The following COL27A1 variants were observed in gnomAD, a reference collection of about 807,000 sequenced individuals.
COL27A1 encodes the protein collagen alpha-1(XXVII) chain.
A neutral mutation model predicts 251.3 loss-of-function variants in COL27A1; 106 were observed. The ratio of observed to expected loss-of-function variants is 0.42; its 90% CI spans 0.36 to 0.50. The LOEUF (loss-of-function observed/expected upper bound fraction) is 0.50. Among genes scored for constraint, COL27A1 ranks in the 20% least tolerant of loss-of-function variants. The pLI is 0.00. For synonymous variants in COL27A1, 1,000 were observed against 986.3 expected (o/e 1.01, Z -0.26); for missense variants, 2,325 against 2,522.8 (o/e 0.92, Z 1.68).
chr9:114,209,442 G>A (rs1001801800), intron 10 of COL27A1: 4 of 767,520 alleles, frequency 5.2e-6, no homozygotes, highest in South Asian at 1.4e-5. Context: ...CTTCCCTGGC[G>A]TGAGGGTATG....
chr9:114,175,775 C>G (rs535019090), intron 3 of COL27A1, among the ~76,000 whole-genome samples: 14 of 152,358 alleles, frequency 9.2e-5, no homozygotes, highest in African/African-American at 3.4e-4. Context: ...GAGCTGCACC[C>G]ACGGAGCCTG....
intron 17 of COL27A1, 129 bp downstream of exon 17, chr9:114,235,781 C>A (rs1832351774): frequency 1.4e-6 from 1 of 729,472 alleles, no homozygotes; most frequent in Admixed American, 1.9e-5. Context: ...TCGAAATAAT[C>A]CAGTCTTCTC....
chr9:114,224,609 T>C (rs1831339036), intron 14 of COL27A1, among the ~76,000 whole-genome samples: 1 of 151,660 alleles, frequency 6.6e-6, no homozygotes, highest in South Asian at 2.1e-4. Flanking sequence ...AAACACAGAT[T>C]GTGGGGTTTT....
chr9:114,263,552 C>T (rs1266675106), intron 28 of COL27A1, among the ~76,000 whole-genome samples: 1 of 152,148 alleles, frequency 6.6e-6, no homozygotes, highest in African/African-American at 2.4e-5. Context: ...ACACGTGGGG[C>T]AGTGGGTGGA....
chr9:114,287,900 G>A (rs1013179018), intron 41 of COL27A1, among the ~76,000 whole-genome samples: 2 of 152,140 alleles, frequency 1.3e-5, no homozygotes, highest in Admixed American at 6.5e-5. Flanking sequence ...GATAATAATC[G>A]CATCTGCTTC....
chr9:114,288,195 T>G (rs1827647617), intron 41 of COL27A1, among the ~76,000 whole-genome samples: 1 of 152,168 alleles, frequency 6.6e-6, no homozygotes, highest in Non-Finnish European at 1.5e-5. Flanking sequence ...TCCAGCTGTC[T>G]GAGCTCCCTG....
At position 114,168,648 on chromosome 9, in the gene COL27A1, C is replaced by T; in HGVS notation, c.1093C>T (p.Pro365Ser). The T allele has an allele frequency of 6.2e-7, 1 of 1,614,168 alleles. No individual in the cohort carries two copies. The highest frequency in any genetic ancestry group is 8.5e-7 in the Non-Finnish European group (1 of 1,180,022). Reference sequence around the variant, plus strand: ...ACAGAAGATCACAGCCACCAAAATCCCCAAAAGCCTCCCTACCAAGCCTTC... The same window carrying T: ...ACAGAAGATCACAGCCACCAAAATCTCCAAAAGCCTCCCTACCAAGCCTTC... Reference protein sequence around the residue: ...PSQKITATKIPKSLPTKPSAP... With the variant: ...PSQKITATKISKSLPTKPSAP... The change falls in exon 3 of 61, where the codon CCC (proline) becomes TCC (serine). Residue 365 changes from proline (P) to serine (S), a missense_variant. This residue lies in a region of COL27A1 where 1,183 missense variants were observed against 1,144.1 expected (regional missense o/e 1.03). Coordinates refer to ENST00000356083, the MANE Select transcript of COL27A1 (RefSeq NM_032888.4).
intron 12 of COL27A1, among the ~76,000 whole-genome samples, chr9:114,212,975 T>C (rs557788343): frequency 1.3e-5 from 2 of 152,244 alleles, no homozygotes; most frequent in East Asian, 1.9e-4. Context: ...GGGCCACCTT[T>C]GGGGGATTTG....
In COL27A1 at chr9:114,291,994, C is replaced by T. The variant is rs147805182; in HGVS notation, c.4477-109C>T. ...TTGTTGCCCCAGCATTCTGCAATCTCGGGTACCCTGTGGAATCACTGTTCT... is the reference window on the plus strand; with the variant it reads ...TTGTTGCCCCAGCATTCTGCAATCTTGGGTACCCTGTGGAATCACTGTTCT... On this transcript the variant is annotated intron_variant, in intron 48 of 60. Transcript: ENST00000356083. 2,803 of 971,576 alleles carry T rather than the reference C, an allele frequency of 2.9e-3. 9 individuals are homozygous for T. Among genetic ancestry groups the T allele is most frequent in the Middle Eastern group, 0.013 (63 of 4,832 alleles). 60.2% of individuals were successfully genotyped at this position (971,576 alleles called of 1,614,324 possible). A position where few individuals can be genotyped will look rare whatever the true frequency, so the allele number is the denominator to read the frequency against.
chr9:114,204,990 C>T (rs77564189), intron 7 of COL27A1, 112 bp from the exon 8 acceptor site: 29,904 of 944,824 alleles, frequency 0.032, 589 homozygotes, highest in Middle Eastern at 0.038. Context: ...CACTCCATCC[C>T]GGATGCAGTA....
At chr9:114,193,494 G>C (rs545415728) in intron 5 of COL27A1, among the ~76,000 whole-genome samples, 1 of 152,078 alleles carries the variant, frequency 6.6e-6, no homozygotes, top group Non-Finnish European at 1.5e-5. Context: ...CAGGAGCCAG[G>C]GCATCCTGGA....
chr9:114,262,244 CA>C (rs376020889), intron 28 of COL27A1, among the ~76,000 whole-genome samples: 2 of 152,304 alleles, frequency 1.3e-5, no homozygotes, highest in African/African-American at 4.8e-5. Context: ...CGTGGTGTGA[CA>C]GTGTCCACGT....
At chr9:114,241,653 C>CTTCA (rs1386999266) in intron 21 of COL27A1, among the ~76,000 whole-genome samples, 101 of 152,342 alleles carry the variant, frequency 6.6e-4, no homozygotes, top group African/African-American at 2.2e-3. Flanking sequence ...TTGTTCACAT[C>CTTCA]TTCATTCATT....
intron 25 of COL27A1, among the ~76,000 whole-genome samples, chr9:114,251,003 G>C (rs545705765): frequency 6.6e-6 from 1 of 152,340 alleles, no homozygotes; most frequent in Admixed American, 6.5e-5. Flanking sequence ...AAAGAGGAAA[G>C]ATGAGGTTGC....
rs185656867 is a variant in COL27A1 at position 114,275,664 on chromosome 9, G to A, written c.3613G>A (p.Asp1205Asn). Residue 1205 changes from aspartate (D) to asparagine (N), a missense_variant, in exon 37 of 61, where the codon GAC becomes AAC. Transcript: ENST00000356083. ...GPMGPDGLKG[D>N]RGDPGPDGEH... is the part of the protein sequence containing the mutation. Reference sequence around the variant, plus strand: ...CTCTTCATGCCCTGCCACCCAGGGGGACAGGGGAGACCCAGGGCCTGATGG... The same window carrying A: ...CTCTTCATGCCCTGCCACCCAGGGGAACAGGGGAGACCCAGGGCCTGATGG... The A allele has an allele frequency of 8.4e-6, 13 of 1,547,796 alleles. No homozygotes were observed. Among genetic ancestry groups the A allele is most frequent in the African/African-American group, 1.4e-5 (1 of 72,990 alleles).
chr9:114,198,548 A>G (rs1376567845), intron 7 of COL27A1, among the ~76,000 whole-genome samples: 1 of 152,164 alleles, frequency 6.6e-6, no homozygotes, highest in Non-Finnish European at 1.5e-5. Flanking sequence ...GAGAGGCACC[A>G]ATTTAATGGA....
At chr9:114,160,364 C>G (rs1441118797) in intron 1 of COL27A1, among the ~76,000 whole-genome samples, 1 of 152,026 alleles carries the variant, frequency 6.6e-6, no homozygotes, top group Non-Finnish European at 1.5e-5. Flanking sequence ...GCTGTGTTAG[C>G]CAGGATGGTC....
At chr9:114,224,390 C>T (rs985290478) in intron 14 of COL27A1, among the ~76,000 whole-genome samples, 1 of 152,106 alleles carries the variant, frequency 6.6e-6, no homozygotes, top group African/African-American at 2.4e-5. Flanking sequence ...CCTCACTGTC[C>T]CTGAGTGAGG....
At chr9:114,243,924 C>CTTTTTTTTTTTT in intron 23 of COL27A1, among the ~76,000 whole-genome samples, 1 of 138,082 alleles carries the variant, frequency 7.2e-6, no homozygotes, top group Admixed American at 7.2e-5. Context: ...TTTTTTCTTT[C>CTTTTTTTTTTTT]ATTTTTTTTT....
Sources: gnomAD v4.1 joint callset for allele counts (sites outside exome capture counted in the v4.1 genomes callset) on GRCh38, gnomAD v4.1.1 for gene constraint, gnomAD v4.1.1 regional missense constraint, MANE v1.5 for transcripts, NCBI Gene and HGNC (gene_info 2026-07-23, HGNC 2026-07-21) for gene names.